CADPS2: variants seen among roughly 807,000 people sequenced by gnomAD.
CADPS2 encodes calcium-dependent secretion activator 2.
Under a neutral mutation model 172.5 loss-of-function variants are expected in CADPS2, and 93 were observed. The observed-to-expected ratio is 0.54, with a 90% confidence interval of 0.46 to 0.64. The LOEUF is 0.64. Among genes scored for constraint, CADPS2 ranks in the 30% least tolerant of loss-of-function variants. CADPS2 has a pLI of 0.00. For synonymous variants in CADPS2, 546 were observed against 555.2 expected (o/e 0.98, Z 0.23); for missense variants, 1,420 against 1,565.9 (o/e 0.91, Z 1.57).
chr7:122,541,362 A>T (rs371838424), intron 8 of CADPS2, among the ~76,000 whole-genome samples: 23 of 132,630 alleles, frequency 1.7e-4, no homozygotes, highest in South Asian at 2.5e-4. Context: ...ACACCCAGCT[A>T]TTTTTTTTTT....
At chr7:122,560,390 C>T (rs189164409) in intron 7 of CADPS2, among the ~76,000 whole-genome samples, 1 of 152,216 alleles carries the variant, frequency 6.6e-6, no homozygotes, top group Non-Finnish European at 1.5e-5. Flanking sequence ...TTTAGTAAAA[C>T]AATGTTTACA....
At chr7:122,559,397 C>G (rs140591547) in intron 7 of CADPS2, among the ~76,000 whole-genome samples, 4 of 152,234 alleles carry the variant, frequency 2.6e-5, no homozygotes, top group African/African-American at 9.6e-5. Flanking sequence ...GTTTCCACCG[C>G]TCTCCACGAA....
intron 11 of CADPS2, among the ~76,000 whole-genome samples, chr7:122,482,697 A>G (rs1273977080): frequency 6.6e-6 from 1 of 152,186 alleles, no homozygotes; most frequent in Non-Finnish European, 1.5e-5. Flanking sequence ...TCTATAGCCC[A>G]TGGCACAAGC....
chr7:122,855,562 T>C (rs1198960695), intron 1 of CADPS2, among the ~76,000 whole-genome samples: 1 of 152,080 alleles, frequency 6.6e-6, no homozygotes, highest in Non-Finnish European at 1.5e-5. Context: ...CTGTGGCTGG[T>C]AGGGGCAAAG....
intron 28 of CADPS2, among the ~76,000 whole-genome samples, chr7:122,335,286 G>T (rs893094083): frequency 1.3e-5 from 2 of 152,120 alleles, no homozygotes; most frequent in African/African-American, 4.8e-5. Context: ...GTCTCGCTCT[G>T]TCACCCAGGC....
At chr7:122,688,094 C>T (rs1019926596) in intron 2 of CADPS2, among the ~76,000 whole-genome samples, 4 of 152,188 alleles carry the variant, frequency 2.6e-5, no homozygotes, top group African/African-American at 4.8e-5. Context: ...GCGGCCCAAG[C>T]CAGAAAGCAG....
intron 8 of CADPS2, among the ~76,000 whole-genome samples, chr7:122,529,232 A>C (rs1586889642): frequency 1.4e-5 from 2 of 145,448 alleles, no homozygotes; most frequent in South Asian, 4.1e-4. Flanking sequence ...TTCCCACCCC[A>C]AAAAAGCAAC....
At chr7:122,720,913 T>G (rs375827339) in intron 2 of CADPS2, among the ~76,000 whole-genome samples, 24 of 151,870 alleles carry the variant, frequency 1.6e-4, no homozygotes, top group Non-Finnish European at 1.6e-4. Context: ...CAGTTTCATA[T>G]GGTTTAACAA....
At chr7:122,868,005 CT>C (rs1487015936) in intron 1 of CADPS2, among the ~76,000 whole-genome samples, 6 of 152,106 alleles carry the variant, frequency 3.9e-5, no homozygotes, top group African/African-American at 1.4e-4. Flanking sequence ...AAATCTCTTC[CT>C]GCTAGAAGGG....
intron 1 of CADPS2, among the ~76,000 whole-genome samples, chr7:122,864,796 TC>T (rs996483761): frequency 3.9e-5 from 6 of 152,160 alleles, no homozygotes; most frequent in Admixed American, 3.3e-4. Flanking sequence ...AGCTCTGTTA[TC>T]CTCAATAAGT....
At chr7:122,538,817 C>A (rs1315974206) in intron 8 of CADPS2, among the ~76,000 whole-genome samples, 1 of 151,834 alleles carries the variant, frequency 6.6e-6, no homozygotes, top group African/African-American at 2.4e-5. Context: ...TGATCAAGGA[C>A]AACTACTGGA....
chr7:122,514,848 GT>G (rs2060242539), intron 8 of CADPS2, among the ~76,000 whole-genome samples: 1 of 152,024 alleles, frequency 6.6e-6, no homozygotes, highest in Non-Finnish European at 1.5e-5. Context: ...GTATCACATT[GT>G]GTAATATTAC....
intron 8 of CADPS2, among the ~76,000 whole-genome samples, chr7:122,544,164 T>C (rs187937916): frequency 2.0e-5 from 3 of 152,098 alleles, no homozygotes; most frequent in African/African-American, 7.2e-5. Context: ...ATAGCAAGAA[T>C]CTTGAATGAT....
chr7:122,396,030 G>A (rs145645652), intron 20 of CADPS2, among the ~76,000 whole-genome samples: 2,203 of 152,064 alleles, frequency 0.014, 40 homozygotes, highest in African/African-American at 0.05. Flanking sequence ...GGCTAGTCTC[G>A]AACTCCCGAC....
At chr7:122,491,497 ACT>A (rs749243560) in intron 9 of CADPS2, 77 bp from the exon 10 acceptor site, 244 of 653,924 alleles carry the variant, frequency 3.7e-4, no homozygotes, top group Non-Finnish European at 5.2e-4. Context: ...TTATCAAAAT[ACT>A]CTTTTCCCAA....
chr7:122,637,288 G>A (rs1200087119), intron 3 of CADPS2, among the ~76,000 whole-genome samples: 1 of 134,650 alleles, frequency 7.4e-6, no homozygotes, highest in East Asian at 2.3e-4. Flanking sequence ...CGACCTCCCT[G>A]ACTCAAGTGA....
intron 13 of CADPS2, 25 bp downstream of exon 13, chr7:122,474,356 G>C (rs946901149): frequency 6.2e-7 from 1 of 1,601,916 alleles, no homozygotes; most frequent in Non-Finnish European, 8.5e-7. Flanking sequence ...CCAACTTATA[G>C]GGGACTAGAT....
chr7:122,855,858 C>T (rs1353339323), intron 1 of CADPS2, among the ~76,000 whole-genome samples: 1 of 152,220 alleles, frequency 6.6e-6, no homozygotes, highest in African/African-American at 2.4e-5. Flanking sequence ...GGTGACTTAA[C>T]TCTCATTCCA....
chr7:122,476,518 A>G (rs1409207375), intron 12 of CADPS2, among the ~76,000 whole-genome samples: 1 of 152,182 alleles, frequency 6.6e-6, no homozygotes, highest in Non-Finnish European at 1.5e-5. Context: ...TACTTTTCTC[A>G]GGAAATACAA....
Sources: allele counts gnomAD v4.1 joint callset (sites outside exome capture counted in the v4.1 genomes callset), GRCh38; gene constraint gnomAD v4.1.1; transcripts MANE v1.5; gene names NCBI Gene and HGNC (gene_info 2026-07-23, HGNC 2026-07-21).